The following GRM8 variants were observed in gnomAD, a reference collection of about 807,000 sequenced individuals.
GRM8 encodes the protein glutamate metabotropic receptor 8.
A neutral mutation model predicts 87.2 loss-of-function variants in GRM8; 47 were observed. That is an observed-to-expected ratio of 0.54 (90% CI 0.43 to 0.69). The LOEUF is 0.69. GRM8 is among the 30% of genes least tolerant of loss of function. The probability of loss-of-function intolerance (pLI) is 0.00; values close to 1 mark genes in which losing one functional copy is unlikely to be tolerated. For missense variants in GRM8, 1,019 were observed against 1,139.2 expected, an observed-to-expected ratio of 0.89 and a Z score of 1.52; for synonymous variants, 396 against 404.5, an observed-to-expected ratio of 0.98 and a Z score of 0.25.
At chr7:126,496,103 C>G (rs1808686836) in intron 9 of GRM8, among the ~76,000 whole-genome samples, 1 of 151,822 alleles carries the variant, frequency 6.6e-6, no homozygotes, top group African/African-American at 2.4e-5. Context: ...TCTCTGAGCT[C>G]TGTTTCTTCT....
intron 2 of GRM8, among the ~76,000 whole-genome samples, chr7:127,207,450 T>C (rs1795975942): frequency 6.6e-6 from 1 of 152,196 alleles, no homozygotes; most frequent in African/African-American, 2.4e-5. Context: ...ATGAGCCAAG[T>C]ACCAATGTGA....
intron 3 of GRM8, among the ~76,000 whole-genome samples, chr7:126,949,874 A>T (rs1295631581): frequency 6.6e-6 from 1 of 152,178 alleles, no homozygotes; most frequent in African/African-American, 2.4e-5. Flanking sequence ...GAAACTTACA[A>T]TTTCTAAAAA....
In GRM8 at chr7:127,121,737, C is replaced by G. The variant is rs1587077338; in HGVS notation, c.511-15025G>C. 2.0e-5 allele frequency among the ~76,000 whole-genome samples: 3 copies of G among 152,108 alleles called. No homozygotes were observed. In the East Asian group the frequency reaches 5.8e-4, roughly 29 times the overall value. On this transcript the variant is annotated intron_variant, in intron 2 of 10. Transcript: ENST00000339582. The stretch of plus-strand genomic sequence containing the variant: ...CACGCAAAGGGGGAAGTGCCACACA[C>G]TTTTAAACCACCACATCTTGTGAGA...
At chr7:126,824,319 T>C (rs1030356549) in intron 6 of GRM8, among the ~76,000 whole-genome samples, 2 of 152,152 alleles carry the variant, frequency 1.3e-5, no homozygotes, top group Admixed American at 1.3e-4. Flanking sequence ...GTATATATTT[T>C]TATGTATGTA....
In GRM8 at chr7:126,894,815, G is replaced by A. The variant is rs144483402; in HGVS notation, c.1156+7727C>T. Among the ~76,000 whole-genome samples, 425 of 152,158 alleles carry A rather than the reference G, an allele frequency of 2.8e-3. 2 individuals are homozygous for A. Among genetic ancestry groups the A allele is most frequent in the African/African-American group, 9.8e-3 (409 of 41,538 alleles). On this transcript the variant is annotated intron_variant, in intron 6 of 10. Coordinates refer to ENST00000339582, the MANE Select transcript of GRM8 (RefSeq NM_000845.3). ...CAAATCAGACTTCAGTCCTATCATC[G>A]TTAGGTAGCTACAGGGCTTTAGACA...
At chr7:126,772,119 C>G (rs1003045821) in intron 6 of GRM8, among the ~76,000 whole-genome samples, 1 of 152,036 alleles carries the variant, frequency 6.6e-6, no homozygotes, top group African/African-American at 2.4e-5. Flanking sequence ...TTACAGCAAC[C>G]AAATAGACGC....
At chr7:126,647,332 TAGATAG>T (rs1303042222) in intron 7 of GRM8, among the ~76,000 whole-genome samples, 1 of 63,238 alleles carries the variant, frequency 1.6e-5, no homozygotes, top group African/African-American at 4.6e-5. Flanking sequence ...GATAGATAGA[TAGATAG>T]ATAGATATAG....
chr7:126,622,800 G>A (rs928959682), intron 7 of GRM8, among the ~76,000 whole-genome samples: 1 of 151,918 alleles, frequency 6.6e-6, no homozygotes, highest in Non-Finnish European at 1.5e-5. Flanking sequence ...CTCCCTTCAT[G>A]GTAAAATTGT....
At chr7:126,996,858 T>A (rs1414326941) in intron 3 of GRM8, among the ~76,000 whole-genome samples, 1 of 151,922 alleles carries the variant, frequency 6.6e-6, no homozygotes, top group African/African-American at 2.4e-5. Flanking sequence ...GATTTCAACA[T>A]CCCACTTTCA....
At chr7:126,523,187 T>C (rs572940017) in intron 9 of GRM8, among the ~76,000 whole-genome samples, 3 of 152,352 alleles carry the variant, frequency 2.0e-5, no homozygotes, top group African/African-American at 7.2e-5. Flanking sequence ...AAATTTATTA[T>C]ATATCAAAAG....
chr7:126,872,776 C>T (rs1415585161), intron 6 of GRM8, among the ~76,000 whole-genome samples: 1 of 152,104 alleles, frequency 6.6e-6, no homozygotes, highest in Non-Finnish European at 1.5e-5. Flanking sequence ...AGATTTATCA[C>T]TCCTCTTGGT....
chr7:126,463,734 A>G (rs771590490), intron 9 of GRM8, among the ~76,000 whole-genome samples: 3 of 151,614 alleles, frequency 2.0e-5, no homozygotes, highest in Non-Finnish European at 3.0e-5. Flanking sequence ...TAATAGCCTA[A>G]AATTCCTATG....
chr7:126,546,315 T>G (rs985792962), intron 8 of GRM8, among the ~76,000 whole-genome samples: 2 of 152,068 alleles, frequency 1.3e-5, no homozygotes, highest in African/African-American at 4.8e-5. Flanking sequence ...TAGATTCGAG[T>G]CCAGGGTGAC....
chr7:127,027,343 T>A (rs901405875), intron 3 of GRM8, among the ~76,000 whole-genome samples: 1 of 152,172 alleles, frequency 6.6e-6, no homozygotes, highest in African/African-American at 2.4e-5. Flanking sequence ...CATATGAAAT[T>A]TAAAGTAGTT....
chr7:126,655,555 C>T (rs1261268357), intron 7 of GRM8, among the ~76,000 whole-genome samples: 1 of 152,096 alleles, frequency 6.6e-6, no homozygotes, highest in Non-Finnish European at 1.5e-5. Flanking sequence ...ACTAATAAAT[C>T]ATCCTTCTTG....
intron 9 of GRM8, among the ~76,000 whole-genome samples, chr7:126,513,867 C>T (rs1200018683): frequency 6.6e-6 from 1 of 152,048 alleles, no homozygotes; most frequent in Non-Finnish European, 1.5e-5. Flanking sequence ...GTGTATACTA[C>T]CAAACACTGA....
intron 7 of GRM8, among the ~76,000 whole-genome samples, chr7:126,751,419 T>C (rs1816402441): frequency 7.3e-6 from 1 of 136,832 alleles, no homozygotes; most frequent in South Asian, 2.3e-4. Context: ...CTATTGTGTG[T>C]GTGTTTGCCT....
chr7:127,115,647 T>C (rs1368646020), intron 2 of GRM8, among the ~76,000 whole-genome samples: 1 of 152,164 alleles, frequency 6.6e-6, no homozygotes, highest in Non-Finnish European at 1.5e-5. Context: ...CCCATAAGAT[T>C]AATAAACCTT....
intron 3 of GRM8, among the ~76,000 whole-genome samples, chr7:126,956,268 T>C (rs1251559253): frequency 6.6e-6 from 1 of 152,126 alleles, no homozygotes; most frequent in Non-Finnish European, 1.5e-5. Context: ...AAAGAGGCAA[T>C]GATGAGAAAA....
Sources: gnomAD v4.1 joint callset for allele counts (sites outside exome capture counted in the v4.1 genomes callset) on GRCh38, gnomAD v4.1.1 for gene constraint, MANE v1.5 for transcripts, NCBI Gene and HGNC (gene_info 2026-07-23, HGNC 2026-07-21) for gene names.